OVCH1: variants seen among roughly 807,000 people sequenced by gnomAD.
OVCH1 encodes the protein ovochymase-1.
OVCH1 carries 139 observed loss-of-function variants against 138.4 expected under a neutral mutation model. That is an observed-to-expected ratio of 1.00 (90% CI 0.87 to 1.16). The LOEUF (loss-of-function observed/expected upper bound fraction) is 1.16. Among genes scored for constraint, OVCH1 ranks in the 50% most tolerant of loss-of-function variants. The pLI, the probability that OVCH1 is intolerant of heterozygous loss-of-function variation, is 0.00. For missense variants in OVCH1, 1,367 were observed against 1,357.9 expected (o/e 1.01, Z -0.11); for synonymous variants, 453 against 467.8 (o/e 0.97, Z 0.41).
downstream of OVCH1, among the ~76,000 whole-genome samples, chr12:29,423,479 G>A (rs1450697887): frequency 2.0e-5 from 3 of 152,164 alleles, no homozygotes; most frequent in African/African-American, 7.2e-5. Context: ...CAATGGAAGA[G>A]TATAGCTTTT....
downstream of OVCH1, among the ~76,000 whole-genome samples, chr12:29,425,379 A>G (rs1941164490): frequency 6.6e-6 from 1 of 152,198 alleles, no homozygotes; most frequent in Non-Finnish European, 1.5e-5. Flanking sequence ...CATTACACCT[A>G]ATACAGAGTT....
At chr12:29,408,525 T>C (rs1442616607), downstream of OVCH1, among the ~76,000 whole-genome samples, 1 of 121,516 alleles carries the variant, frequency 8.2e-6, no homozygotes, top group African/African-American at 2.6e-5. Flanking sequence ...GAAGGGTTGT[T>C]GAATTTTGTC....
Position 29,471,851 on chromosome 12 carries a change from C to CA in OVCH1, c.1806dup (p.Ala603CysfsTer20). 6.2e-7 allele frequency: 1 copy of CA among 1,612,860 alleles called. No individual in the cohort carries two copies. Among genetic ancestry groups the CA allele is most frequent in the Non-Finnish European group, 8.5e-7 (1 of 1,179,426 alleles). On this transcript the variant is annotated frameshift_variant, in exon 16 of 28. Coordinates refer to ENST00000318184, the Ensembl canonical transcript of OVCH1. LOFTEE classifies it high-confidence loss of function. Reference sequence around the variant, plus strand: ...AGAATCCACACTGGGTTGATGATGGCACCTCCACATTGGTAATCGCCTAGA... The same window carrying CA: ...AGAATCCACACTGGGTTGATGATGGCAACCTCCACATTGGTAATCGCCTAGA...
rs1435985482 is a variant in OVCH1, at chr12:29,433,814, CTAAAAT to C, written c.3265-7_3265-2del. Reference sequence around the variant, plus strand: ...TTCCAACACTTCTTACATTATCATACTAAAATTAAGTAAAATGTTTTTAATGGAAAT... The same window carrying C: ...TTCCAACACTTCTTACATTATCATACTAAGTAAAATGTTTTTAATGGAAAT... On this transcript the variant is annotated splice_acceptor_variant and splice_polypyrimidine_tract_variant and intron_variant, in intron 26 of 27. Coordinates refer to ENST00000318184, the Ensembl canonical transcript of OVCH1. LOFTEE classifies it high-confidence loss of function. The C allele has an allele frequency of 4.3e-6, 6 of 1,391,398 alleles. No individual in the cohort carries two copies. The highest frequency in any genetic ancestry group is 5.6e-5 in the East Asian group (2 of 35,822). The allele number at this position is 1,391,398 out of a possible 1,614,324, so 86.2% of individuals were successfully genotyped here.
chr12:29,479,605 A>G (rs1349094096), intron 8 of OVCH1, among the ~76,000 whole-genome samples: 1 of 152,088 alleles, frequency 6.6e-6, no homozygotes, highest in African/African-American at 2.4e-5. Context: ...TCTCACCTTC[A>G]CCTGAATGCA....
At chr12:29,477,478 C>A (rs1283189686) in intron 10 of OVCH1, 1 of 1,613,918 alleles carries the variant, frequency 6.2e-7, no homozygotes, top group African/African-American at 1.3e-5. Flanking sequence ...ACAGACCTTA[C>A]CTTAAAAGAA....
intron 19 of OVCH1, among the ~76,000 whole-genome samples, chr12:29,459,997 A>C (rs1942077408): frequency 6.6e-6 from 1 of 152,222 alleles, no homozygotes; most frequent in African/African-American, 2.4e-5. Context: ...CTATTTTATC[A>C]AAGCAAGTTT....
chr12:29,468,809 A>G (rs76763665), intron 16 of OVCH1, among the ~76,000 whole-genome samples: 1 of 152,044 alleles, frequency 6.6e-6, no homozygotes, highest in Admixed American at 6.6e-5. Flanking sequence ...GAGTATACAT[A>G]CCTATATTTT....
chr12:29,476,755 G>A (rs986080939), intron 12 of OVCH1, among the ~76,000 whole-genome samples: 5 of 103,342 alleles, frequency 4.8e-5, no homozygotes, highest in African/African-American at 1.5e-4. Context: ...ACACACGCGC[G>A]CACACACACA....
intron 5 of OVCH1, 79 bp downstream of exon 5, chr12:29,491,018 T>A: frequency 3.3e-6 from 4 of 1,198,244 alleles, no homozygotes; most frequent in Non-Finnish European, 4.9e-6. Context: ...GTACTACTCA[T>A]GGTCAACAAA....
chr12:29,419,764 A>G (rs1340221464), intron 3 of OVCH1, among the ~76,000 whole-genome samples: 1 of 152,202 alleles, frequency 6.6e-6, no homozygotes, highest in Non-Finnish European at 1.5e-5. Flanking sequence ...GGAACTATGC[A>G]TTAAGTCTGG....
Position 29,491,199 on chromosome 12 carries a change from AAAC to A in OVCH1, c.455-10_455-8del. On this transcript the variant is annotated splice_region_variant and splice_polypyrimidine_tract_variant and intron_variant, in intron 4 of 27. Coordinates refer to ENST00000318184, the Ensembl canonical transcript of OVCH1. ...ATTGGCTGAACAGCATTTCCTGAGA[AAAC>A]AACAAAGGCATGAGGTTCATGGATA... 6.2e-7 allele frequency: 1 copy of A among 1,610,244 alleles called. No individual in the cohort carries two copies. Among genetic ancestry groups the A allele is most frequent in the Non-Finnish European group, 8.5e-7 (1 of 1,176,782 alleles).
At chr12:29,464,027 G>A (rs1439309585) in intron 18 of OVCH1, among the ~76,000 whole-genome samples, 8 of 152,014 alleles carry the variant, frequency 5.3e-5, no homozygotes, top group African/African-American at 1.7e-4. Flanking sequence ...CCCCAAACAC[G>A]GGCACAAGCC....
intron 8 of OVCH1, among the ~76,000 whole-genome samples, chr12:29,479,623 C>A (rs1305520145): frequency 5.3e-5 from 8 of 152,122 alleles, no homozygotes; most frequent in African/African-American, 1.9e-4. Context: ...GCAAAGCAAT[C>A]TTACCTAGAA....
At chr12:29,439,192 C>T in intron 26 of OVCH1, 2 of 666,500 alleles carry the variant, frequency 3.0e-6, no homozygotes, top group Non-Finnish European at 4.3e-6. Context: ...AATATGCCAC[C>T]CCTAGAAGCT....
chr12:29,442,198 A>G (rs1032980620), intron 25 of OVCH1, among the ~76,000 whole-genome samples: 16 of 152,064 alleles, frequency 1.1e-4, no homozygotes, highest in African/African-American at 3.6e-4. Context: ...CACTATTCAC[A>G]ATAGCAAAGA....
At chr12:29,494,223 T>C (rs1943350318) in intron 4 of OVCH1, among the ~76,000 whole-genome samples, 1 of 152,190 alleles carries the variant, frequency 6.6e-6, no homozygotes, top group Non-Finnish European at 1.5e-5. Flanking sequence ...TTACAGCTCC[T>C]CTCATGGCCA....
At chr12:29,489,492 A>G in intron 6 of OVCH1, 128 bp downstream of exon 6, 2 of 1,092,796 alleles carry the variant, frequency 1.8e-6, no homozygotes, top group Non-Finnish European at 2.5e-6. Flanking sequence ...TAGAAATCAG[A>G]GGAAAAGATG....
At chr12:29,476,968 A>G in intron 12 of OVCH1, 134 bp downstream of exon 12, 1 of 1,075,086 alleles carries the variant, frequency 9.3e-7, no homozygotes, top group Non-Finnish European at 1.3e-6. Flanking sequence ...TTCTTTTCAG[A>G]GTAAAAAAAA....
Sources: gnomAD v4.1 joint callset for allele counts (sites outside exome capture counted in the v4.1 genomes callset) on GRCh38, gnomAD v4.1.1 for gene constraint, MANE v1.5 for transcripts, NCBI Gene and HGNC (gene_info 2026-07-23, HGNC 2026-07-21) for gene names.